Variants in DDX60L observed in about 807,000 individuals in gnomAD.
DDX60L encodes DExD/H-box 60 like, also known as probable ATP-dependent RNA helicase DDX60-like.
In DDX60L, 191 loss-of-function variants were observed where a neutral mutation model predicts 211.6. The ratio of observed to expected loss-of-function variants is 0.90; its 90% CI spans 0.80 to 1.02. DDX60L has a LOEUF of 1.02. Ranked by LOEUF, DDX60L falls within the 50% of genes least tolerant of loss-of-function variation. The pLI is 0.00. For synonymous variants in DDX60L, 706 were observed against 694.1 expected (o/e 1.02, Z -0.27); for missense variants, 2,007 against 1,984.1 (o/e 1.01, Z -0.22).
At chr4:168,405,055 C>A (rs1747500520) in intron 24 of DDX60L, among the ~76,000 whole-genome samples, 1 of 151,532 alleles carries the variant, frequency 6.6e-6, no homozygotes, top group Non-Finnish European at 1.5e-5. Context: ...GTTGCCCAGA[C>A]TGGAGTACAG....
At chr4:168,476,457 T>C (rs1759501546) in intron 1 of DDX60L, among the ~76,000 whole-genome samples, 1 of 152,122 alleles carries the variant, frequency 6.6e-6, no homozygotes, top group Non-Finnish European at 1.5e-5. Context: ...ATGTGAACTC[T>C]TAACAAAAAT....
intron 10 of DDX60L, among the ~76,000 whole-genome samples, chr4:168,438,880 T>C (rs961082940): frequency 1.3e-5 from 2 of 152,238 alleles, no homozygotes; most frequent in African/African-American, 4.8e-5. Flanking sequence ...TGAAAATACG[T>C]ATATATTAAG....
In DDX60L at chr4:168,458,013, A is replaced by G. The variant is rs1227991848; in HGVS notation, c.607-5T>C. 4.8e-6 allele frequency: 7 copies of G among 1,451,090 alleles called. No homozygotes were observed. The highest frequency in any genetic ancestry group is 6.6e-6 in the Non-Finnish European group (7 of 1,068,598). 89.9% of individuals were successfully genotyped at this position (1,451,090 alleles called of 1,614,324 possible). A position where few individuals can be genotyped will look rare whatever the true frequency, so the allele number is the denominator to read the frequency against. The stretch of plus-strand genomic sequence containing the variant: ...ACTCTGAATCACTGTTTCATTCTGT[A>G]AAAGGGAGAAAACCATATAAAATAT... On this transcript the variant is annotated splice_polypyrimidine_tract_variant and splice_region_variant and intron_variant, in intron 5 of 37. Transcript: ENST00000682922.
chr4:168,476,122 T>C (rs1759449837), intron 1 of DDX60L: 1 of 152,024 alleles, frequency 6.6e-6, no homozygotes, highest in South Asian at 2.1e-4. Context: ...TTTAGCAAAC[T>C]AAGAGAGAAG....
rs61747877 is a variant in DDX60L at position 168,456,069 on chromosome 4, T to C, written c.807A>G (p.Ser269=). Residue 269 remains serine (S), a synonymous_variant, in exon 7 of 38, where the codon TCA becomes TCG. Coordinates refer to ENST00000682922, the MANE Select transcript of DDX60L (RefSeq NM_001012967.3). ...IQRVLCVTSC[S]LSLRMYHRVL... ...CACGATGGTACATTCTCAAGGATAGTGAACATGAAGTGACACAGAGAACAC... is the reference window on the plus strand; with the variant it reads ...CACGATGGTACATTCTCAAGGATAGCGAACATGAAGTGACACAGAGAACAC... The C allele has an allele frequency of 1.9e-6, 3 of 1,596,256 alleles. No homozygotes were observed. The highest frequency in any genetic ancestry group is 2.6e-6 in the Non-Finnish European group (3 of 1,173,292).
chr4:168,395,453 G>A (rs1352287077), intron 27 of DDX60L, among the ~76,000 whole-genome samples: 5 of 152,164 alleles, frequency 3.3e-5, no homozygotes, highest in Admixed American at 6.5e-5. Context: ...GTCTCTCTGA[G>A]CTGTGACATT....
chr4:168,403,388 C>T (rs181464519), intron 25 of DDX60L, among the ~76,000 whole-genome samples: 2 of 152,266 alleles, frequency 1.3e-5, no homozygotes, highest in Middle Eastern at 3.4e-3. Context: ...TGCAAATTTT[C>T]GTAGTTAAAA....
At chr4:168,478,735 G>A (rs182690420) in intron 1 of DDX60L, among the ~76,000 whole-genome samples, 11 of 152,250 alleles carry the variant, frequency 7.2e-5, no homozygotes, top group South Asian at 4.1e-4. Context: ...GGGAGTCGTC[G>A]GAGTCTGTCT....
Position 168,394,562 on chromosome 4 carries a change from T to C in DDX60L, c.3713A>G (p.Lys1238Arg). The change falls in exon 28 of 38, where the codon AAG becomes AGG. Residue 1238 changes from lysine to arginine, a missense_variant. Transcript: ENST00000682922. Reference protein sequence around the residue: ...VRFTRHGKELKALAQRGIGYH... With the variant: ...VRFTRHGKELRALAQRGIGYH... ...TCCAATCCCCCTTTGTGCTAAAGCC[T>C]TCAGTTCTTTGCCGTGTCTTGTAAA... is the stretch of plus-strand genomic sequence containing the variant. 6.2e-7 allele frequency: 1 copy of C among 1,613,690 alleles called. No homozygotes were observed. Among genetic ancestry groups the C allele is most frequent in the Non-Finnish European group, 8.5e-7 (1 of 1,179,686 alleles).
At chr4:168,396,145 A>C in intron 26 of DDX60L, 21 bp from the exon 27 acceptor site, 1 of 1,395,330 alleles carries the variant, frequency 7.2e-7, no homozygotes, top group Non-Finnish European at 9.6e-7. Context: ...AAAAAAAAAA[A>C]AAACTTTTAA....
chr4:168,449,676 A>AAAAAAAAAAAAAAAAAG (rs1755498123), intron 8 of DDX60L, among the ~76,000 whole-genome samples: 1 of 147,206 alleles, frequency 6.8e-6, no homozygotes, highest in Non-Finnish European at 1.5e-5. Context: ...GAAAAAAGAA[A>AAAAAAAAAAAAAAAAAG]AAAATTACTA....
chr4:168,432,584 T>C lies in DDX60L; in HGVS notation c.1401-14A>G. 1 of 1,453,682 alleles carries C rather than the reference T, an allele frequency of 6.9e-7. No individual in the cohort carries two copies. Among genetic ancestry groups the C allele is most frequent in the South Asian group, 1.4e-5 (1 of 71,348 alleles). 90.0% of individuals were successfully genotyped at this position (1,453,682 alleles called of 1,614,324 possible). ...ACCGGATCATCACTGTAAAAATAAATACATAATTTTTTTAAATTTTAAGCT... is the reference window on the plus strand; with the variant it reads ...ACCGGATCATCACTGTAAAAATAAACACATAATTTTTTTAAATTTTAAGCT... On this transcript the variant is annotated splice_polypyrimidine_tract_variant and intron_variant, in intron 11 of 37. Coordinates refer to ENST00000682922, the MANE Select transcript of DDX60L (RefSeq NM_001012967.3).
intron 22 of DDX60L, 69 bp from the exon 23 acceptor site, chr4:168,406,775 T>C: frequency 8.5e-7 from 1 of 1,179,144 alleles, no homozygotes; most frequent in Non-Finnish European, 1.2e-6. Flanking sequence ...TTTTATTTTA[T>C]CTTTCATGAC....
intron 22 of DDX60L, among the ~76,000 whole-genome samples, chr4:168,408,109 T>C (rs2149804981): frequency 6.6e-6 from 1 of 152,318 alleles, no homozygotes; most frequent in Non-Finnish European, 1.5e-5. Flanking sequence ...TGTCTATAAA[T>C]GAAGCCATTC....
At chr4:168,388,446 T>C (rs1352373719) in intron 29 of DDX60L, among the ~76,000 whole-genome samples, 1 of 152,236 alleles carries the variant, frequency 6.6e-6, no homozygotes, top group East Asian at 1.9e-4. Flanking sequence ...CACATGGTGA[T>C]CAGGATGCAA....
intron 24 of DDX60L, among the ~76,000 whole-genome samples, chr4:168,404,562 A>T (rs1345582471): frequency 1.3e-5 from 2 of 152,184 alleles, no homozygotes; most frequent in Non-Finnish European, 2.9e-5. Context: ...TTGTAATAGT[A>T]TACAGACATG....
intron 1 of DDX60L, among the ~76,000 whole-genome samples, chr4:168,477,817 G>A (rs553212498): frequency 1.3e-5 from 2 of 152,218 alleles, no homozygotes; most frequent in Non-Finnish European, 2.9e-5. Context: ...ATTGGAAAAG[G>A]TTGATGGTCA....
In DDX60L at chr4:168,416,774, A is replaced by T. The variant is rs761368322; in HGVS notation, c.2634T>A (p.Val878=). 1.9e-5 allele frequency: 30 copies of T among 1,597,422 alleles called. No individual in the cohort carries two copies. Among genetic ancestry groups the T allele is most frequent in the Non-Finnish European group, 2.5e-5 (29 of 1,172,116 alleles). ...FDEVHYLGRE[V]GAKFWELLLV... ...GGAGGAGCTCCCAAAATTTTGCTCCAACTTCTCTGCCAAGATAATGGACCT... is the reference window on the plus strand; with the variant it reads ...GGAGGAGCTCCCAAAATTTTGCTCCTACTTCTCTGCCAAGATAATGGACCT... Residue 878 remains valine (V), a synonymous_variant, in exon 20 of 38, where the codon GTT becomes GTA. Coordinates refer to ENST00000682922, the MANE Select transcript of DDX60L (RefSeq NM_001012967.3).
chr4:168,449,678 A>AT (rs1755502861), intron 8 of DDX60L, among the ~76,000 whole-genome samples: 2 of 143,764 alleles, frequency 1.4e-5, no homozygotes, highest in Non-Finnish European at 3.1e-5. Flanking sequence ...AAAAAGAAAA[A>AT]AATTACTAAA....
Sources: gnomAD v4.1 joint callset for allele counts (sites outside exome capture counted in the v4.1 genomes callset) on GRCh38, gnomAD v4.1.1 for gene constraint, MANE v1.5 for transcripts, NCBI Gene and HGNC (gene_info 2026-07-23, HGNC 2026-07-21) for gene names.